POLR1C: variants seen among roughly 807,000 people sequenced by gnomAD.
POLR1C encodes DNA-directed RNA polymerases I and III subunit RPAC1.
A neutral mutation model predicts 38.3 loss-of-function variants in POLR1C; 42 were observed. The ratio of observed to expected loss-of-function variants is 1.10; its 90% CI spans 0.86 to 1.42. POLR1C has a LOEUF of 1.42. POLR1C is among the 40% of genes most tolerant of loss of function. The pLI is 0.00. For missense variants in POLR1C, 507 were observed against 450.5 expected (o/e 1.13, Z -1.14); for synonymous variants, 163 against 163.9 (o/e 0.99, Z 0.04).
intron 9 of POLR1C, among the ~76,000 whole-genome samples, chr6:43,539,988 C>T (rs1794599378): frequency 6.6e-6 from 1 of 152,252 alleles, no homozygotes; most frequent in Non-Finnish European, 1.5e-5. Flanking sequence ...GGCACAGTGG[C>T]TCACGCCTAT....
rs1793079552 is a variant in POLR1C, at chr6:43,520,293, C to T, written c.521C>T (p.Thr174Ile). The T allele has an allele frequency of 2.5e-6, 4 of 1,613,026 alleles. No homozygotes were observed. The highest frequency in any genetic ancestry group is 2.5e-6 in the Non-Finnish European group (3 of 1,180,030). ...VNHKVYTRHM[T>I]WIPLGNQADL... ...CCTCCAGTGTATACCAGGCATATGA[C>T]ATGGATCCCCCTGGGGAACCAGGCT... The change falls in exon 6 of 9, where the codon ACA becomes ATA. Residue 174 changes from threonine (T) to isoleucine (I), a missense_variant. Coordinates refer to ENST00000642195, the MANE Select transcript of POLR1C (RefSeq NM_203290.4).
chr6:43,520,025 A>C (rs1055452309), intron 4 of POLR1C, 41 bp from the exon 5 acceptor site: 4 of 1,611,504 alleles, frequency 2.5e-6, no homozygotes, highest in Non-Finnish European at 3.4e-6. Flanking sequence ...GCTGGCACTC[A>C]GACGTTTACT....
chr6:43,520,950 T>C lies in POLR1C; in HGVS notation c.824T>C (p.Val275Ala). 9 of 1,613,976 alleles carry C rather than the reference T, an allele frequency of 5.6e-6. No individual in the cohort carries two copies. The highest frequency in any genetic ancestry group is 5.9e-6 in the Non-Finnish European group (7 of 1,179,958). ...TCATTAGGTAAAAAGGTGGCCAGAG[T>C]TGCCAACCCCCGGCTGGATACCTTC... ...QEVQGKKVARVANPRLDTFSR... is the reference protein window; with the variant it reads ...QEVQGKKVARAANPRLDTFSR... The change falls in exon 8 of 9, where the codon GTT (valine) becomes GCT (alanine). Residue 275 changes from valine to alanine, a missense_variant. Val to Ala is a moderately conservative substitution (Grantham distance 64). Transcript: ENST00000642195.
chr6:43,525,058 T>G, downstream of POLR1C: 2 of 1,575,940 alleles, frequency 1.3e-6, no homozygotes, highest in Non-Finnish European at 8.6e-7. Context: ...TCAGTCTGCA[T>G]GACCCAAACC....
intron 8 of POLR1C, chr6:43,529,032 T>C: frequency 1.7e-6 from 2 of 1,175,652 alleles, no homozygotes; most frequent in Non-Finnish European, 2.4e-6. Flanking sequence ...ATTTGCCAGA[T>C]GTCAAAAATA....
At chr6:43,518,811 G>T (rs942292285) in intron 2 of POLR1C, among the ~76,000 whole-genome samples, 11 of 152,158 alleles carry the variant, frequency 7.2e-5, no homozygotes, top group Admixed American at 2.0e-4. Context: ...CTCCCGAGTA[G>T]CTGGGACTAC....
At chr6:43,517,618 A>G (rs1792902811) in intron 2 of POLR1C, among the ~76,000 whole-genome samples, 1 of 152,042 alleles carries the variant, frequency 6.6e-6, no homozygotes. Flanking sequence ...AATATGGTGA[A>G]GGTGGTTGAT....
intron 8 of POLR1C, chr6:43,528,930 T>TG: frequency 6.2e-7 from 1 of 1,609,544 alleles, no homozygotes; most frequent in Non-Finnish European, 8.5e-7. Flanking sequence ...AGACACGTGC[T>TG]GCAACAAGTT....
At chr6:43,559,811 C>T (rs1239899645) in intron 10 of POLR1C, among the ~76,000 whole-genome samples, 1 of 152,140 alleles carries the variant, frequency 6.6e-6, no homozygotes, top group East Asian at 1.9e-4. Flanking sequence ...TAATGCCAAT[C>T]AGTCTTTTTT....
intron 9 of POLR1C, among the ~76,000 whole-genome samples, chr6:43,549,333 G>C (rs1795118409): frequency 6.6e-6 from 1 of 152,158 alleles, no homozygotes; most frequent in Non-Finnish European, 1.5e-5. Flanking sequence ...CAAAGTGTTG[G>C]GATTACAGGT....
At chr6:43,558,624 GAA>G in intron 10 of POLR1C, 1 of 1,499,390 alleles carries the variant, frequency 6.7e-7, no homozygotes, top group Non-Finnish European at 9.0e-7. Context: ...GGTAGGGGAT[GAA>G]AGTGGACCCA....
intron 10 of POLR1C, among the ~76,000 whole-genome samples, chr6:43,558,103 A>C (rs978026347): frequency 4.6e-5 from 7 of 152,096 alleles, no homozygotes; most frequent in African/African-American, 7.2e-5. Flanking sequence ...CTCAAAAAAA[A>C]AAACAAACAA....
At chr6:43,531,383 C>T, downstream of POLR1C, 1 of 1,138,510 alleles carries the variant, frequency 8.8e-7, no homozygotes, top group South Asian at 1.3e-5. Context: ...CTTGCCTCGC[C>T]TTACCTGTAC....
rs2127691918 is a variant in POLR1C, at chr6:43,521,158, C to T, written c.923-24C>T. The T allele has an allele frequency of 1.9e-6, 3 of 1,610,384 alleles. No individual in the cohort carries two copies. In the East Asian group the frequency reaches 6.7e-5, roughly 36 times the overall value. ...GTTTTACAGGCAAGCCCTGCCTAGA[C>T]TAAAGTGTCTCTTTGGTCCCCAGTC... On this transcript the variant is annotated intron_variant, in intron 8 of 8. Transcript: ENST00000642195.
chr6:43,540,631 C>T (rs1021338573), intron 9 of POLR1C, among the ~76,000 whole-genome samples: 1 of 152,020 alleles, frequency 6.6e-6, no homozygotes, highest in Non-Finnish European at 1.5e-5. Context: ...CCAGCCTGGG[C>T]AACAAGAGTG....
chr6:43,524,234 C>T (rs1439018139), downstream of POLR1C, among the ~76,000 whole-genome samples: 1 of 152,008 alleles, frequency 6.6e-6, no homozygotes, highest in Non-Finnish European at 1.5e-5. Context: ...TGCCTGTAAT[C>T]CCAGCTACTT....
exon 9 of POLR1C, chr6:43,529,341 G>A (rs1193225068): frequency 6.1e-6 from 3 of 489,552 alleles, no homozygotes; most frequent in Non-Finnish European, 1.1e-5. Context: ...AAGAGAGCGA[G>A]ACCATCCTGG....
intron 9 of POLR1C, among the ~76,000 whole-genome samples, chr6:43,548,720 A>C (rs1187183106): frequency 6.7e-6 from 1 of 150,044 alleles, no homozygotes; most frequent in Non-Finnish European, 1.5e-5. Flanking sequence ...AGCTTGTTTT[A>C]TATATATATA....
At chr6:43,544,743 T>A (rs1794881609) in intron 9 of POLR1C, among the ~76,000 whole-genome samples, 1 of 152,170 alleles carries the variant, frequency 6.6e-6, no homozygotes, top group African/African-American at 2.4e-5. Context: ...CAAAACCCCA[T>A]CTCTATTAAT....
Sources: allele counts gnomAD v4.1 joint callset (sites outside exome capture counted in the v4.1 genomes callset), GRCh38; gene constraint gnomAD v4.1.1; transcripts MANE v1.5; gene names NCBI Gene and HGNC (gene_info 2026-07-23, HGNC 2026-07-21).